RPL9: variants seen among roughly 807,000 people sequenced by gnomAD.
The protein encoded by RPL9 is ribosomal protein L9, also known as large ribosomal subunit protein uL6.
For synonymous variants in RPL9, 82 were observed against 77.1 expected (o/e 1.06, Z -0.33); for missense variants, 149 against 236.7 (o/e 0.63, Z 2.43).
chr4:39,456,394 G>T lies in RPL9; in HGVS notation c.391+12C>A. ...AAAAATTTCTTAATTCTGTCTGAGG[G>T]TATGCACATACCTGGTCTCATCCGA... On this transcript the variant is annotated intron_variant, in intron 5 of 7. Coordinates refer to ENST00000295955, the MANE Select transcript of RPL9 (RefSeq NM_000661.5). The T allele has an allele frequency of 6.2e-7, 1 of 1,614,018 alleles. No individual in the cohort carries two copies. Among genetic ancestry groups the T allele is most frequent in the Non-Finnish European group, 8.5e-7 (1 of 1,179,946 alleles).
At chr4:39,454,275 AG>A in intron 7 of RPL9, 50 bp from the exon 8 acceptor site, 1 of 280,616 alleles carries the variant, frequency 3.6e-6, no homozygotes, top group South Asian at 8.7e-5. Flanking sequence ...ACACTTGCCC[AG>A]GAAAGTACTA....
intron 4 of RPL9, 200 bp from the exon 5 acceptor site, chr4:39,456,738 T>C: frequency 1.7e-6 from 1 of 583,342 alleles, no homozygotes; most frequent in Non-Finnish European, 3.0e-6. Context: ...GAGGCTTTAT[T>C]TCACTAGCTC....
chr4:39,454,463 G>A (rs1414156646), intron 7 of RPL9, 70 bp downstream of exon 7: 4 of 1,145,944 alleles, frequency 3.5e-6, no homozygotes, highest in Non-Finnish European at 3.7e-6. Flanking sequence ...TTCAGTTTAA[G>A]TCTTTTAGTA....
chr4:39,457,996 T>C, intron 3 of RPL9, 198 bp downstream of exon 3: 2 of 708,238 alleles, frequency 2.8e-6, no homozygotes, highest in Admixed American at 2.0e-5. Flanking sequence ...ATGACCACTA[T>C]TACATTTGAG....
At chr4:39,455,845 T>G (rs1744065836) in intron 5 of RPL9, 1 of 178,206 alleles carries the variant, frequency 5.6e-6, no homozygotes, top group Non-Finnish European at 1.2e-5. Flanking sequence ...ATTGTTGTTT[T>G]TCAACTTTAA....
chr4:39,454,505 T>C (rs1016468430), intron 7 of RPL9, 28 bp downstream of exon 7: 2 of 1,516,038 alleles, frequency 1.3e-6, no homozygotes, highest in Admixed American at 3.9e-5. Flanking sequence ...AGAGCAGTAA[T>C]AAAACTTAAG....
chr4:39,456,619 C>T (rs1459037799), intron 4 of RPL9, 81 bp from the exon 5 acceptor site: 7 of 1,476,224 alleles, frequency 4.7e-6, no homozygotes, highest in Non-Finnish European at 4.6e-6. Context: ...GATGCTTATA[C>T]TTATTTTAAA....
intron 4 of RPL9, 200 bp downstream of exon 4, chr4:39,457,386 C>A (rs1453650853): frequency 1.7e-4 from 67 of 399,546 alleles, no homozygotes; most frequent in South Asian, 4.8e-4. Flanking sequence ...CAGAAAAAAA[C>A]AAACATGTTG....
intron 5 of RPL9, 94 bp from the exon 6 acceptor site, chr4:39,455,038 C>T (rs1028938590): frequency 8.0e-7 from 1 of 1,245,904 alleles, no homozygotes; most frequent in Admixed American, 2.4e-5. Context: ...AAACTCCATG[C>T]ACCAAAAGAA....
At chr4:39,454,688 A>T (rs753283180) in intron 6 of RPL9, 39 bp from the exon 7 acceptor site, 1 of 1,550,100 alleles carries the variant, frequency 6.5e-7, no homozygotes, top group Non-Finnish European at 8.8e-7. Context: ...ACATCAGCCT[A>T]ACCCATCTTA....
At position 39,458,176 on chromosome 4, in the gene RPL9, CAGA is replaced by C; in HGVS notation, c.162+15_162+17del. ...ACCTTCCAACGAGCAACTGAATTAT[CAGA>C]AGAAAAACCCTCACCCTCTTTTTTT... On this transcript the variant is annotated intron_variant, in intron 3 of 7. Transcript: ENST00000295955. The C allele has an allele frequency of 6.2e-7, 1 of 1,612,556 alleles. No individual in the cohort carries two copies. The highest frequency in any genetic ancestry group is 8.5e-7 in the Non-Finnish European group (1 of 1,178,712).
rs1363987055 is a variant in RPL9 at position 39,458,236 on chromosome 4, G to A, written c.120C>T (p.His40=). The change falls in exon 3 of 8, where the codon CAC becomes CAT. Residue 40 remains histidine, a synonymous_variant. Transcript: ENST00000295955. ...PRGTLRRDFN[H]INVELSLLGK... ...CAAGAAGGCTGAGTTCTACATTGAT[G>A]TGATTGAAGTCCCTCCGCAGGGTTC... 6.2e-7 allele frequency: 1 copy of A among 1,614,104 alleles called. No individual in the cohort carries two copies. Among genetic ancestry groups the A allele is most frequent in the East Asian group, 2.2e-5 (1 of 44,888 alleles).
At chr4:39,457,529 G>C in intron 4 of RPL9, 57 bp downstream of exon 4, 1 of 1,352,208 alleles carries the variant, frequency 7.4e-7, no homozygotes, top group Non-Finnish European at 1.1e-6. Flanking sequence ...GCTGTATAAA[G>C]CACAGGTTTG....
rs1013433462 is a variant in RPL9 at position 39,456,645 on chromosome 4, C to T, written c.259-107G>A. ...TTATTTTAAAACGTAACACTCACTGCCAAGATTTTCTAATAACTGTCACCT... is the reference window on the plus strand; with the variant it reads ...TTATTTTAAAACGTAACACTCACTGTCAAGATTTTCTAATAACTGTCACCT... On this transcript the variant is annotated intron_variant, in intron 4 of 7. Coordinates refer to ENST00000295955, the MANE Select transcript of RPL9 (RefSeq NM_000661.5). 9 of 1,216,558 alleles carry T rather than the reference C, an allele frequency of 7.4e-6. No individual in the cohort carries two copies. In the Admixed American group the frequency reaches 1.2e-4, roughly 17 times the overall value. The allele number at this position is 1,216,558 out of a possible 1,614,324, so 75.4% of individuals were successfully genotyped here.
intron 1 of RPL9, 180 bp downstream of exon 1, chr4:39,458,711 G>C (rs541820449): frequency 1.1e-5 from 7 of 633,706 alleles, no homozygotes; most frequent in African/African-American, 1.8e-5. Context: ...ACTGAGGGGC[G>C]GGAATAGGCC....
At chr4:39,456,927 T>G (rs1471957306) in intron 4 of RPL9, 1 of 190,338 alleles carries the variant, frequency 5.3e-6, no homozygotes, top group East Asian at 1.4e-4. Flanking sequence ...CAAGGGTAGA[T>G]GGGGGAATCT....
chr4:39,458,897 G>A lies in RPL9; in HGVS notation c.-8C>T. 3 of 704,338 alleles carry A rather than the reference G, an allele frequency of 4.3e-6. No homozygotes were observed. Among genetic ancestry groups the A allele is most frequent in the Non-Finnish European group, 2.6e-6 (1 of 386,642 alleles). The allele number at this position is 704,338 out of a possible 1,614,324, so 43.6% of individuals were successfully genotyped here. A position where few individuals can be genotyped will look rare whatever the true frequency, so the allele number is the denominator to read the frequency against. ...AGCACAGAAACATCCTTACCTCGCAGTAGACGCAGCAAAGAAAGAACGTCT... is the reference window on the plus strand; with the variant it reads ...AGCACAGAAACATCCTTACCTCGCAATAGACGCAGCAAAGAAAGAACGTCT... On this transcript the variant is annotated 5_prime_UTR_variant, in exon 1 of 8. Coordinates refer to ENST00000295955, the MANE Select transcript of RPL9 (RefSeq NM_000661.5).
At chr4:39,458,542 T>A (rs1242720363) in intron 1 of RPL9, 102 bp from the exon 2 acceptor site, 5 of 1,297,830 alleles carry the variant, frequency 3.9e-6, no homozygotes, top group Non-Finnish European at 5.5e-6. Flanking sequence ...CAGGCGGAAG[T>A]TCCAGACAAG....
chr4:39,456,388 C>T lies in RPL9; in HGVS notation c.391+18G>A, dbSNP rs762638245. On this transcript the variant is annotated intron_variant, in intron 5 of 7. Transcript: ENST00000295955. ...TGAAGGAAAAATTTCTTAATTCTGTCTGAGGGTATGCACATACCTGGTCTC... is the reference window on the plus strand; with the variant it reads ...TGAAGGAAAAATTTCTTAATTCTGTTTGAGGGTATGCACATACCTGGTCTC... 6 of 1,613,994 alleles carry T rather than the reference C, an allele frequency of 3.7e-6. No individual in the cohort carries two copies. In the East Asian group the frequency reaches 1.3e-4, roughly 36 times the overall value.
Sources: allele counts gnomAD v4.1 joint callset, GRCh38; gene constraint gnomAD v4.1.1; transcripts MANE v1.5; gene names NCBI Gene and HGNC (gene_info 2026-07-23, HGNC 2026-07-21).